Variants in ALDH1L1 observed in about 807,000 individuals in gnomAD.
The protein encoded by ALDH1L1 is cytosolic 10-formyltetrahydrofolate dehydrogenase.
In ALDH1L1, 68 loss-of-function variants were observed where a neutral mutation model predicts 101.1. The observed-to-expected ratio is 0.67, with a 90% confidence interval of 0.55 to 0.82. The LOEUF (loss-of-function observed/expected upper bound fraction) is 0.82. Ranked by LOEUF, ALDH1L1 falls within the 40% of genes least tolerant of loss-of-function variation. ALDH1L1 has a pLI of 0.00. For missense variants in ALDH1L1, 1,087 were observed against 1,172.7 expected, an observed-to-expected ratio of 0.93 and a Z score of 1.07; for synonymous variants, 486 against 470.8, an observed-to-expected ratio of 1.03 and a Z score of -0.42.
At chr3:126,181,441 C>T (rs1320442967), upstream of ALDH1L1, 1 of 218,510 alleles carries the variant, frequency 4.6e-6, no homozygotes, top group East Asian at 9.7e-5. Flanking sequence ...CTGAACACAT[C>T]AGGCTTGCTG....
At chr3:126,106,817 T>G (rs1945889911) in intron 21 of ALDH1L1, among the ~76,000 whole-genome samples, 1 of 152,080 alleles carries the variant, frequency 6.6e-6, no homozygotes. Context: ...CCACTCAGTG[T>G]GGGGGGTGGT....
intron 1 of ALDH1L1, among the ~76,000 whole-genome samples, chr3:126,178,746 TTGTGTG>T (rs112510826): frequency 0.012 from 1,769 of 149,892 alleles, 38 homozygotes; most frequent in African/African-American, 0.041. Context: ...AGGCTTAAGT[TTGTGTG>T]TGTGTGTGTG....
In ALDH1L1 at chr3:126,173,015, T is replaced by A. The variant is rs567943886; in HGVS notation, c.-24+7461A>T. Among the ~76,000 whole-genome samples the A allele has an allele frequency of 2.6e-5, 4 of 152,254 alleles. No individual in the cohort carries two copies. The East Asian group carries it at 7.7e-4, about 29-fold the overall frequency. On this transcript the variant is annotated intron_variant, in intron 1 of 22. Transcript: ENST00000393434. ...TAGATTCCATCTGTATGCAGTAAAA[T>A]TGTCCTTCAAAAGTGGAGGAGAAAG...
chr3:126,170,634 C>CAA (rs2081254990), intron 1 of ALDH1L1, among the ~76,000 whole-genome samples: 1 of 152,128 alleles, frequency 6.6e-6, no homozygotes, highest in Admixed American at 6.5e-5. Flanking sequence ...AAAAAACTCT[C>CAA]CACCCCCGCA....
chr3:126,103,694 C>A lies in ALDH1L1; in HGVS notation c.*97G>T, dbSNP rs949319177. 2 of 1,332,840 alleles carry A rather than the reference C, an allele frequency of 1.5e-6. No individual in the cohort carries two copies. Among genetic ancestry groups the A allele is most frequent in the Non-Finnish European group, 2.1e-6 (2 of 949,818 alleles). The allele number at this position is 1,332,840 out of a possible 1,614,324, so 82.6% of individuals were successfully genotyped here. On this transcript the variant is annotated 3_prime_UTR_variant, in exon 23 of 23. Transcript: ENST00000393434. ...GTGCAGGCAGGAGGGCTTCCACTAG[C>A]CCCCCAGGTGGGAGGTGCTGTGCAC...
At chr3:126,187,889 G>C (rs1359465303) in intron 1 of ALDH1L1, among the ~76,000 whole-genome samples, 1 of 95,194 alleles carries the variant, frequency 1.1e-5, no homozygotes, top group Non-Finnish European at 2.3e-5. Flanking sequence ...CAACGGCTCT[G>C]TCAAAAAGAA....
chr3:126,116,385 C>T (rs1390607909), intron 17 of ALDH1L1, among the ~76,000 whole-genome samples: 1 of 152,038 alleles, frequency 6.6e-6, no homozygotes, highest in Admixed American at 6.5e-5. Context: ...AGGCACGTGC[C>T]ACCACATGCC....
chr3:126,132,465 T>C (rs544513053), intron 12 of ALDH1L1, among the ~76,000 whole-genome samples: 1 of 152,246 alleles, frequency 6.6e-6, no homozygotes, highest in East Asian at 1.9e-4. Flanking sequence ...GCCATTTCCA[T>C]TTCATTCTGG....
chr3:126,155,554 T>C lies in ALDH1L1; in HGVS notation c.529-51A>G. ...CCCCAGCAATAGGACCCTGCCTCCT[T>C]CCCAGCCCCAGGGCCCACATTGAGC... On this transcript the variant is annotated intron_variant, in intron 4 of 22. Transcript: ENST00000393434. 2.0e-6 allele frequency: 3 copies of C among 1,519,624 alleles called. No individual in the cohort carries two copies. In the African/African-American group the frequency reaches 4.1e-5, roughly 21 times the overall value. 94.1% of individuals were successfully genotyped at this position (1,519,624 alleles called of 1,614,324 possible).
intron 1 of ALDH1L1, among the ~76,000 whole-genome samples, chr3:126,194,026 A>C (rs1326647599): frequency 6.6e-6 from 1 of 152,168 alleles, no homozygotes; most frequent in African/African-American, 2.4e-5. Flanking sequence ...ACCATATTCT[A>C]GGATTTTACG....
At chr3:126,191,368 C>T (rs536936718) in intron 1 of ALDH1L1, among the ~76,000 whole-genome samples, 36 of 152,314 alleles carry the variant, frequency 2.4e-4, no homozygotes, top group African/African-American at 7.0e-4. Context: ...GCCTCAGCTG[C>T]GGGGGCTGAC....
intron 1 of ALDH1L1, among the ~76,000 whole-genome samples, chr3:126,175,470 A>G (rs1421746280): frequency 2.0e-5 from 3 of 152,172 alleles, no homozygotes; most frequent in Non-Finnish European, 4.4e-5. Flanking sequence ...CCTCAAAAAA[A>G]TCAGCAATTG....
rs748712857 is a variant in ALDH1L1, at chr3:126,157,500, A to G, written c.371T>C (p.Ile124Thr). ...RGASAINWTL[I>T]HGDKKGGFSI... is the part of the protein sequence containing the mutation. ...AAACCCCCCTTTCTTATCTCCGTGA[A>G]TGAGGGTCCTAGGAAGCAGAAGAGT... Residue 124 changes from isoleucine to threonine, a missense_variant, in exon 4 of 23, where the codon ATT becomes ACT. Physicochemically the swap from Ile to Thr is moderately conservative, Grantham distance 89 (BLOSUM62 -1). This residue lies in a region of ALDH1L1 where 645 missense variants were observed against 637.0 expected (regional missense o/e 1.01). Coordinates refer to ENST00000393434, the MANE Select transcript of ALDH1L1 (RefSeq NM_012190.4). 6.2e-7 allele frequency: 1 copy of G among 1,613,742 alleles called. No homozygotes were observed. Among genetic ancestry groups the G allele is most frequent in the Non-Finnish European group, 8.5e-7 (1 of 1,179,900 alleles).
At chr3:126,171,070 G>A (rs1463172924) in intron 1 of ALDH1L1, among the ~76,000 whole-genome samples, 3 of 152,262 alleles carry the variant, frequency 2.0e-5, no homozygotes, top group African/African-American at 7.2e-5. Flanking sequence ...AGGCCGAGGC[G>A]GGCGGATCAC....
chr3:126,120,962 T>A (rs2080067712), intron 16 of ALDH1L1, among the ~76,000 whole-genome samples: 1 of 152,158 alleles, frequency 6.6e-6, no homozygotes, highest in African/African-American at 2.4e-5. Flanking sequence ...TAGGTCACCA[T>A]CCTAACCCCC....
intron 17 of ALDH1L1, chr3:126,115,028 G>C (rs1364487784): frequency 2.2e-6 from 1 of 457,506 alleles, no homozygotes; most frequent in African/African-American, 2.0e-5. Context: ...GTTGACCTCT[G>C]ACCCCACCTG....
chr3:126,112,781 C>A lies in ALDH1L1; in HGVS notation c.2181+1G>T. On this transcript the variant is annotated splice_donor_variant, in intron 19 of 22. Coordinates refer to ENST00000393434, the MANE Select transcript of ALDH1L1 (RefSeq NM_012190.4). LOFTEE classifies it high-confidence loss of function. ...CCCGCAGACCCTGGGGCAGGACTTA[C>A]CACTCTCCGCACGAACTCATCATGA... 3.1e-6 allele frequency: 5 copies of A among 1,612,894 alleles called. No homozygotes were observed. The highest frequency in any genetic ancestry group is 4.2e-6 in the Non-Finnish European group (5 of 1,179,948).
intron 16 of ALDH1L1, among the ~76,000 whole-genome samples, chr3:126,120,088 T>C (rs1435388190): frequency 6.6e-6 from 1 of 152,202 alleles, no homozygotes; most frequent in Admixed American, 6.5e-5. Context: ...AAAAACCAAA[T>C]GCACTGTTAC....
chr3:126,192,696 C>T (rs1868137), intron 1 of ALDH1L1, among the ~76,000 whole-genome samples: 33,105 of 152,054 alleles, frequency 0.22, 4,399 homozygotes, highest in Middle Eastern at 0.31. Flanking sequence ...GGACAGTTTC[C>T]GACATGGGTA....
Sources: gnomAD v4.1 joint callset for allele counts (sites outside exome capture counted in the v4.1 genomes callset) on GRCh38, gnomAD v4.1.1 for gene constraint, gnomAD v4.1.1 regional missense constraint, MANE v1.5 for transcripts, NCBI Gene and HGNC (gene_info 2026-07-23, HGNC 2026-07-21) for gene names.